MAGT1: variants seen among roughly 807,000 people sequenced by gnomAD.
MAGT1 encodes the protein magnesium transporter 1.
In MAGT1, 4 loss-of-function variants were observed where a neutral mutation model predicts 28.4. The ratio of observed to expected loss-of-function variants is 0.14; its 90% CI spans 0.07 to 0.32. The LOEUF is 0.32. Among genes scored for constraint, MAGT1 ranks in the 10% least tolerant of loss-of-function variants. MAGT1 has a pLI of 1.00. For missense variants in MAGT1, 193 were observed against 264.5 expected, an observed-to-expected ratio of 0.73 and a Z score of 1.88; for synonymous variants, 89 against 89.7, an observed-to-expected ratio of 0.99 and a Z score of 0.04.
At chrX:77,844,612 G>C (rs1211325153) in intron 7 of MAGT1, among the ~76,000 whole-genome samples, 4 of 110,717 alleles carry the variant, frequency 3.6e-5, no homozygotes, top group African/African-American at 1.3e-4. Flanking sequence ...CTACACACTG[G>C]TTTAAATGTG....
At chrX:77,862,162 C>T (rs920484588) in intron 3 of MAGT1, among the ~76,000 whole-genome samples, 10 of 111,403 alleles carry the variant, frequency 9.0e-5, no homozygotes, top group Non-Finnish European at 1.9e-4. Context: ...TTTTCACATA[C>T]GCTTAGCTTT....
chrX:77,875,282 G>C, intron 2 of MAGT1, 146 bp downstream of exon 2: 1 of 531,509 alleles, frequency 1.9e-6, no homozygotes, highest in South Asian at 2.7e-5. Context: ...GACTATAAAA[G>C]AGCAGTAGTA....
intron 3 of MAGT1, among the ~76,000 whole-genome samples, chrX:77,864,711 A>ATTTT (rs35275240): frequency 9.4e-6 from 1 of 106,331 alleles, no homozygotes; most frequent in South Asian, 4.1e-4. Context: ...TTAAAAAGCA[A>ATTTT]TTTTTTTTTT....
chrX:77,863,922 GCTGAGGCAGGAGAATGGCTTGAAC>G (rs1467620002), intron 3 of MAGT1, among the ~76,000 whole-genome samples: 2 of 111,048 alleles, frequency 1.8e-5, no homozygotes, highest in African/African-American at 6.5e-5. Context: ...TACTCGAGAC[GCTGAGGCAGGAGAATGGCTTGAAC>G]CTGGGAGGTT....
At chrX:77,885,850 C>T (rs1207084616) in intron 1 of MAGT1, among the ~76,000 whole-genome samples, 1 of 111,017 alleles carries the variant, frequency 9.0e-6, no homozygotes, top group African/African-American at 3.3e-5. Flanking sequence ...TGTGGTAGCA[C>T]GTGCCTGTAA....
At chrX:77,851,484 C>T (rs782113973) in intron 7 of MAGT1, among the ~76,000 whole-genome samples, 16 of 111,526 alleles carry the variant, frequency 1.4e-4, no homozygotes, top group African/African-American at 3.9e-4. Context: ...AGCAATTCTC[C>T]GGCCTCAGCC....
chrX:77,865,165 A>G (rs2077005126), intron 3 of MAGT1, among the ~76,000 whole-genome samples: 1 of 112,468 alleles, frequency 8.9e-6, no homozygotes, highest in South Asian at 3.7e-4. Context: ...TGAATGATAT[A>G]CTGTAAAATG....
In MAGT1 at chrX:77,830,885, C is replaced by A; in HGVS notation, c.912G>T (p.Val304=). The A allele has an allele frequency of 8.9e-7, 1 of 1,122,773 alleles. No individual in the cohort carries two copies. The highest frequency in any genetic ancestry group is 2.2e-5 in the South Asian group (1 of 46,207). The allele number at this position is 1,122,773 out of a possible 1,213,427, so 92.5% of individuals were successfully genotyped here. A position where few individuals can be genotyped will look rare whatever the true frequency, so the allele number is the denominator to read the frequency against. ...ATAATACAACAAGTCCAATACCAGCCACACACATTACTGCAGAAAAATAAA... is the reference window on the plus strand; with the variant it reads ...ATAATACAACAAGTCCAATACCAGCAACACACATTACTGCAGAAAAATAAA... The part of the protein sequence containing the change: ...MDIGKRKIMC[V]AGIGLVVLFF... The change falls in exon 9 of 10, where the codon GTG becomes GTT. Residue 304 remains valine (V), a synonymous_variant. Coordinates refer to ENST00000618282, the MANE Select transcript of MAGT1 (RefSeq NM_001367916.1).
intron 7 of MAGT1, 122 bp from the exon 8 acceptor site, chrX:77,841,442 A>G: frequency 3.9e-6 from 2 of 509,528 alleles, no homozygotes; most frequent in East Asian, 7.1e-5. Flanking sequence ...TCATTATAAA[A>G]AACCAAAATA....
At chrX:77,838,328 G>A (rs1460234113) in intron 8 of MAGT1, among the ~76,000 whole-genome samples, 1 of 109,938 alleles carries the variant, frequency 9.1e-6, no homozygotes, top group African/African-American at 3.3e-5. Context: ...GTGGTGGCAT[G>A]AGCCTGTGGT....
chrX:77,892,660 G>T (rs1208242677), intron 1 of MAGT1, among the ~76,000 whole-genome samples: 1 of 110,484 alleles, frequency 9.1e-6, no homozygotes, highest in African/African-American at 3.3e-5. Flanking sequence ...AACTAGGCAT[G>T]GTGGCACATG....
chrX:77,870,850 A>G lies in MAGT1; in HGVS notation c.348T>C (p.Phe116=). The change falls in exon 3 of 10, where the codon TTT becomes TTC. Residue 116 remains phenylalanine (F), a synonymous_variant. Transcript: ENST00000618282. ...YSSAFTNRIF[F]AMVDFDEGSD... is the part of the protein sequence containing the mutation. ...AGCCTTCATCAAAATCCACCATGGC[A>G]AAAAATATCCTGTTGGTGAATGCAC... 1 of 1,209,966 alleles carries G rather than the reference A, an allele frequency of 8.3e-7. No individual in the cohort carries two copies. The highest frequency in any genetic ancestry group is 1.8e-5 in the South Asian group (1 of 57,000).
intron 2 of MAGT1, 133 bp downstream of exon 2, chrX:77,875,295 G>T: frequency 1.7e-6 from 1 of 578,978 alleles, no homozygotes; most frequent in Non-Finnish European, 2.9e-6. Context: ...CAGTAGTATT[G>T]CTACCATAGA....
rs1557213034 is a variant in MAGT1 at position 77,827,432 on chromosome X, TTTTC to T, written c.*1784_*1787del. On this transcript the variant is annotated 3_prime_UTR_variant, in exon 10 of 10. Coordinates refer to ENST00000618282, the MANE Select transcript of MAGT1 (RefSeq NM_001367916.1). Reference sequence around the variant, plus strand: ...TTTCTTTCCCATTCTAAGGGAGTCCTTTTCTTTCTTACTTTTTTTTTTTTTTTTG... The same window carrying T: ...TTTCTTTCCCATTCTAAGGGAGTCCTTTTCTTACTTTTTTTTTTTTTTTTG... The T allele has an allele frequency of 9.1e-6, 1 of 109,917 alleles. No homozygotes were observed. The highest frequency in any genetic ancestry group is 1.9e-5 in the Non-Finnish European group (1 of 52,758). 9.1% of individuals were successfully genotyped at this position (109,917 alleles called of 1,213,427 possible).
At chrX:77,888,205 C>T (rs1832706601) in intron 1 of MAGT1, among the ~76,000 whole-genome samples, 1 of 111,983 alleles carries the variant, frequency 8.9e-6, no homozygotes, top group South Asian at 3.6e-4. Flanking sequence ...TACAGGCTTA[C>T]TATGAAAAAA....
intron 1 of MAGT1, among the ~76,000 whole-genome samples, chrX:77,883,542 G>A (rs1557218714): frequency 1.0e-5 from 1 of 100,075 alleles, no homozygotes; most frequent in Non-Finnish European, 2.0e-5. Flanking sequence ...ATTACTTCCT[G>A]AATTCATTTT....
At chrX:77,880,872 C>T (rs1312978427) in intron 1 of MAGT1, among the ~76,000 whole-genome samples, 1 of 102,188 alleles carries the variant, frequency 9.8e-6, no homozygotes, top group South Asian at 4.7e-4. Context: ...GCACTAGAAT[C>T]GCTTGAACCC....
intron 7 of MAGT1, among the ~76,000 whole-genome samples, chrX:77,844,725 C>G (rs782550520): frequency 9.0e-6 from 1 of 111,482 alleles, no homozygotes; most frequent in African/African-American, 3.3e-5. Context: ...CAGGAGCAGG[C>G]TGTTCAGTTT....
intron 1 of MAGT1, among the ~76,000 whole-genome samples, chrX:77,884,870 G>A (rs1468388721): frequency 9.2e-6 from 1 of 108,391 alleles, no homozygotes; most frequent in Non-Finnish European, 1.9e-5. Context: ...GGATCACGAG[G>A]TGAGGAGATC....
Sources: gnomAD v4.1 joint callset for allele counts (sites outside exome capture counted in the v4.1 genomes callset) on GRCh38, gnomAD v4.1.1 for gene constraint, MANE v1.5 for transcripts, NCBI Gene and HGNC (gene_info 2026-07-23, HGNC 2026-07-21) for gene names.